MRE11: variants seen among roughly 807,000 people sequenced by gnomAD.
The protein encoded by MRE11 is MRE11 double strand break repair nuclease.
A neutral mutation model predicts 91.7 loss-of-function variants in MRE11; 62 were observed. The ratio of observed to expected loss-of-function variants is 0.68; its 90% CI spans 0.55 to 0.84. MRE11 has a LOEUF of 0.84. Among genes scored for constraint, MRE11 ranks in the 40% least tolerant of loss-of-function variants. The pLI is 0.00. For missense variants in MRE11, 796 were observed against 852.9 expected (o/e 0.93, Z 0.83); for synonymous variants, 273 against 271.4 (o/e 1.01, Z -0.06).
chr11:94,493,923 G>C (rs1364658720), upstream of MRE11: 2 of 152,270 alleles, frequency 1.3e-5, no homozygotes, highest in Non-Finnish European at 2.9e-5. Flanking sequence ...CACGCAGTGA[G>C]GGGGCGGGGA....
At chr11:94,505,825 A>T in the MRE11 span, among the ~76,000 whole-genome samples, 1 of 152,172 alleles carries the variant, frequency 6.6e-6, no homozygotes, top group African/African-American at 2.4e-5. Context: ...GTACCTTTTA[A>T]AGTCAACTAT....
chr11:94,466,426 G>A, intron 10 of MRE11: 1 of 508,462 alleles, frequency 2.0e-6, no homozygotes, highest in Non-Finnish European at 4.1e-6. Flanking sequence ...GTGGGATAAA[G>A]AAACGGGAAC....
the MRE11 span, among the ~76,000 whole-genome samples, chr11:94,507,360 A>G: frequency 6.6e-6 from 1 of 152,204 alleles, no homozygotes; most frequent in South Asian, 2.1e-4. Context: ...TTATATATAC[A>G]TGATATTGTT....
At chr11:94,452,085 T>C (rs1002210540) in intron 14 of MRE11, among the ~76,000 whole-genome samples, 1 of 151,050 alleles carries the variant, frequency 6.6e-6, no homozygotes, top group Non-Finnish European at 1.5e-5. Context: ...GCGCGCTAGC[T>C]ACTCGGGAGG....
In MRE11 at chr11:94,484,483, A is replaced by C. The variant is rs1023697261; in HGVS notation, c.314+1441T>G. On this transcript the variant is annotated intron_variant, in intron 4 of 19. Transcript: ENST00000323929. Reference sequence around the variant, plus strand: ...TTAATTACTTTGGTGGTTTTAACTTATGTCCATCAGAAGTGGAAACTTAAC... The same window carrying C: ...TTAATTACTTTGGTGGTTTTAACTTCTGTCCATCAGAAGTGGAAACTTAAC... Among the ~76,000 whole-genome samples the C allele has an allele frequency of 5.9e-5, 9 of 152,334 alleles. No homozygotes were observed. In the East Asian group the frequency reaches 1.7e-3, roughly 29 times the overall value.
At chr11:94,497,996 C>G, upstream of MRE11, 1 of 1,143,760 alleles carries the variant, frequency 8.7e-7, no homozygotes, top group Non-Finnish European at 1.2e-6. Context: ...TTAAATCTAA[C>G]ACCACAAGAC....
the MRE11 span, among the ~76,000 whole-genome samples, chr11:94,503,434 C>T: frequency 2.0e-5 from 3 of 152,016 alleles, no homozygotes; most frequent in African/African-American, 7.2e-5. Context: ...GTGGCTCACA[C>T]CATCCAACAT....
At chr11:94,487,343 G>C (rs941938491) in intron 3 of MRE11, among the ~76,000 whole-genome samples, 6 of 152,098 alleles carry the variant, frequency 3.9e-5, no homozygotes, top group African/African-American at 1.4e-4. Context: ...ATATTGAAAA[G>C]AACACGACTC....
In MRE11 at chr11:94,426,490, G is replaced by A. The variant is rs1022738986; in HGVS notation, c.2070+3421C>T. On this transcript the variant is annotated intron_variant, in intron 19 of 19. Coordinates refer to ENST00000323929, the MANE Select transcript of MRE11 (RefSeq NM_005591.4). ...TAAATCAAATTAACAATTTAACATT[G>A]TACCTGGAGGAACTAGAAATAAAAG... Among the ~76,000 whole-genome samples the A allele has an allele frequency of 2.0e-5, 3 of 148,302 alleles. 1 individual carries two copies. The highest frequency in any genetic ancestry group is 5.1e-5 in the African/African-American group (2 of 39,206).
At chr11:94,496,940 G>T, upstream of MRE11, 2 of 1,612,968 alleles carry the variant, frequency 1.2e-6, no homozygotes, top group Non-Finnish European at 8.5e-7. Context: ...TTGGGCTGCT[G>T]AAAAAAATCG....
chr11:94,467,716 G>C (rs959969410), intron 10 of MRE11, 97 bp downstream of exon 10: 2 of 1,043,260 alleles, frequency 1.9e-6, no homozygotes, highest in Admixed American at 1.8e-5. Context: ...TTATTACTAT[G>C]AGCACTCTCC....
chr11:94,460,235 C>T (rs930822694), intron 12 of MRE11, among the ~76,000 whole-genome samples: 5 of 151,094 alleles, frequency 3.3e-5, no homozygotes, highest in African/African-American at 7.3e-5. Context: ...GTCCTGTGTA[C>T]GATTTCTGAC....
chr11:94,456,427 T>C (rs1342857485), intron 13 of MRE11, 89 bp from the exon 14 acceptor site: 28 of 1,043,620 alleles, frequency 2.7e-5, no homozygotes, highest in Non-Finnish European at 3.3e-5. Flanking sequence ...AAATGCTTTA[T>C]GTTATAAAAC....
chr11:94,506,356 C>T, the MRE11 span, among the ~76,000 whole-genome samples: 6 of 151,840 alleles, frequency 4.0e-5, no homozygotes, highest in Non-Finnish European at 8.8e-5. Context: ...ACAGTGCATA[C>T]CTAAAACAGT....
chr11:94,492,954 G>T, intron 1 of MRE11, 48 bp from the exon 2 acceptor site: 1 of 703,336 alleles, frequency 1.4e-6, no homozygotes, highest in Non-Finnish European at 2.5e-6. Context: ...AAGCCTGCAC[G>T]TATTTAACCA....
At position 94,435,835 on chromosome 11, in the gene MRE11, T is replaced by C; in HGVS notation, c.1991A>G (p.Gln664Arg). 1 of 1,612,466 alleles carries C rather than the reference T, an allele frequency of 6.2e-7. No individual in the cohort carries two copies. The highest frequency in any genetic ancestry group is 1.7e-5 in the Admixed American group (1 of 60,020). The change falls in exon 18 of 20, where the codon CAA becomes CGA. Residue 664 changes from glutamine to arginine, a missense_variant. By Grantham distance (43) the Gln-to-Arg change is conservative. Transcript: ENST00000323929. Reference protein sequence around the residue: ...DIFPTTSKTDQRWSSTSSSKI... With the variant: ...DIFPTTSKTDRRWSSTSSSKI... The stretch of plus-strand genomic sequence containing the variant: ...TGCAGAAAATCACTGCACCTACCTT[T>C]GATCTGTCTTTGAAGTGGTAGGAAA...
At chr11:94,498,361 G>C, upstream of MRE11, 1 of 1,613,430 alleles carries the variant, frequency 6.2e-7, no homozygotes, top group South Asian at 1.1e-5. Context: ...TTGCTGCTGG[G>C]AACAGAGACA....
At chr11:94,497,089 C>T, upstream of MRE11, 2 of 1,178,256 alleles carry the variant, frequency 1.7e-6, no homozygotes, top group Non-Finnish European at 2.5e-6. Flanking sequence ...TACATGAAAG[C>T]ACATATTAAG....
Position 94,418,483 on chromosome 11 carries a change from C to T in MRE11, c.*1642G>A. ...TCACTATAACTCTCACCCAGACCCA[C>T]CTAACTGATGCATGAGAAGAGCCAC... On this transcript the variant is annotated 3_prime_UTR_variant, in exon 20 of 20. Coordinates refer to ENST00000323929, the MANE Select transcript of MRE11 (RefSeq NM_005591.4). 4.3e-6 allele frequency: 1 copy of T among 232,540 alleles called. No homozygotes were observed. The highest frequency in any genetic ancestry group is 1.8e-4 in the South Asian group (1 of 5,512). 14.4% of individuals were successfully genotyped at this position (232,540 alleles called of 1,614,324 possible). A position where few individuals can be genotyped will look rare whatever the true frequency, so the allele number is the denominator to read the frequency against.
Sources: gnomAD v4.1 joint callset for allele counts (sites outside exome capture counted in the v4.1 genomes callset) on GRCh38, gnomAD v4.1.1 for gene constraint, MANE v1.5 for transcripts, NCBI Gene and HGNC (gene_info 2026-07-23, HGNC 2026-07-21) for gene names.